ZC3H3: variants seen among roughly 807,000 people sequenced by gnomAD.
ZC3H3 encodes the protein zinc finger CCCH-type containing 3.
In ZC3H3, 36 loss-of-function variants were observed where a neutral mutation model predicts 77.3. That is an observed-to-expected ratio of 0.47 (90% confidence interval 0.36 to 0.61). The LOEUF (loss-of-function observed/expected upper bound fraction) is 0.61. Among genes scored for constraint, ZC3H3 ranks in the 20% least tolerant of loss-of-function variants. The pLI is 0.00. For missense variants in ZC3H3, 1,331 were observed against 1,312.2 expected, an observed-to-expected ratio of 1.01 and a Z score of -0.22; for synonymous variants, 626 against 555.2, an observed-to-expected ratio of 1.13 and a Z score of -1.79.
chr8:143,506,933 T>C (rs545547895), intron 4 of ZC3H3, among the ~76,000 whole-genome samples: 1 of 152,360 alleles, frequency 6.6e-6, no homozygotes, highest in African/African-American at 2.4e-5. Flanking sequence ...CCTGAGGCCC[T>C]GCCCACCATC....
chr8:143,477,727 C>G (rs1820776816), intron 4 of ZC3H3, among the ~76,000 whole-genome samples: 1 of 152,222 alleles, frequency 6.6e-6, no homozygotes, highest in African/African-American at 2.4e-5. Flanking sequence ...AGCTTGACCC[C>G]AAATCCCAGT....
chr8:143,535,687 C>T (rs1046008195), intron 3 of ZC3H3, among the ~76,000 whole-genome samples: 3 of 152,252 alleles, frequency 2.0e-5, no homozygotes, highest in Non-Finnish European at 2.9e-5. Context: ...ATCTGCAGGC[C>T]GGGGCCTTCC....
In ZC3H3 at chr8:143,536,246, T is replaced by C. The variant is rs1296194931; in HGVS notation, c.1561+11A>G. Reference sequence around the variant, plus strand: ...CAGCCCCAGTGCCCAGCGCCCCTGCTCCCAGCATACCTTCCTTGGTGGGGA... The same window carrying C: ...CAGCCCCAGTGCCCAGCGCCCCTGCCCCCAGCATACCTTCCTTGGTGGGGA... On this transcript the variant is annotated intron_variant, in intron 3 of 11. Coordinates refer to ENST00000262577, the MANE Select transcript of ZC3H3 (RefSeq NM_015117.3). 6.2e-7 allele frequency: 1 copy of C among 1,607,636 alleles called. No homozygotes were observed. Among genetic ancestry groups the C allele is most frequent in the Admixed American group, 1.7e-5 (1 of 59,560 alleles).
rs140144642 is a variant in ZC3H3 at position 143,538,684 on chromosome 8, G to A, written c.683C>T (p.Ala228Val). The A allele has an allele frequency of 1.0e-4, 163 of 1,608,104 alleles. No homozygotes were observed. The highest frequency in any genetic ancestry group is 8.2e-4 in the Middle Eastern group (5 of 6,062). The change falls in exon 2 of 12, where the codon GCG (alanine) becomes GTG (valine). Residue 228 changes from alanine (A) to valine (V), a missense_variant. Physicochemically the swap from Ala to Val is moderately conservative, Grantham distance 64. Coordinates refer to ENST00000262577, the MANE Select transcript of ZC3H3 (RefSeq NM_015117.3). ...TVSESVIAVK[A>V]SFPSSALPPR... ...GGGCAGAGCGGAGGATGGGAAGCTC[G>A]CCTTGACGGCAATCACACTCTCACT...
chr8:143,440,002 GGGGGGCCCT>G, intron 11 of ZC3H3, 30 bp downstream of exon 11: 1 of 1,456,594 alleles, frequency 6.9e-7, no homozygotes, highest in Non-Finnish European at 9.1e-7. Context: ...TCCTTGGTGA[GGGGGGCCCT>G]GGGGGCCCGA....
chr8:143,503,308 C>T (rs774598016), intron 4 of ZC3H3, among the ~76,000 whole-genome samples: 9 of 152,286 alleles, frequency 5.9e-5, no homozygotes, highest in Non-Finnish European at 1.0e-4. Flanking sequence ...CCACCCTCTG[C>T]CCCACCCCAG....
intron 4 of ZC3H3, among the ~76,000 whole-genome samples, chr8:143,482,565 C>T (rs548935314): frequency 1.3e-5 from 2 of 152,272 alleles, no homozygotes; most frequent in South Asian, 2.1e-4. Context: ...GCTGCCAGGG[C>T]TTGGTCAGCA....
chr8:143,465,727 A>AG lies in ZC3H3; in HGVS notation c.2296dup (p.Leu766ProfsTer166), dbSNP rs750272164. 3.1e-6 allele frequency: 5 copies of AG among 1,613,776 alleles called. No individual in the cohort carries two copies. The highest frequency in any genetic ancestry group is 3.3e-5 in the Admixed American group (2 of 60,020). On this transcript the variant is annotated frameshift_variant, in exon 9 of 12. Transcript: ENST00000262577. LOFTEE classifies it high-confidence loss of function. ...CCACAGACCACTCACCTTTGCACCC[A>AG]GGGGGCAGTAGCCTTTGAGGAAGTC...
At position 143,475,583 on chromosome 8, in the gene ZC3H3, G is replaced by A; in HGVS notation, c.1718C>T (p.Ser573Phe). The A allele has an allele frequency of 6.3e-7, 1 of 1,589,710 alleles. No homozygotes were observed. Among genetic ancestry groups the A allele is most frequent in the Non-Finnish European group, 8.6e-7 (1 of 1,168,318 alleles). The change falls in exon 5 of 12, where the codon TCC becomes TTC. Residue 573 changes from serine to phenylalanine, a missense_variant and splice_region_variant. Around this residue, in one of 3 missense-constraint regions of ZC3H3, gnomAD observed 978 missense variants for 915.5 expected, o/e 1.07. Transcript: ENST00000262577. ...TGGACGCAGGCGGTTCAGCACCAGG[G>A]ACCTGCAGAGACAGGAAATGCCCGT... ...WRARRLSLSR[S>F]LVLNRLRPVA...
At chr8:143,520,073 G>A (rs954053649) in intron 3 of ZC3H3, among the ~76,000 whole-genome samples, 1 of 152,206 alleles carries the variant, frequency 6.6e-6, no homozygotes, top group South Asian at 2.1e-4. Context: ...GGGCTTCTTC[G>A]GGGCTCAAGG....
At chr8:143,472,869 G>C (rs1820613505) in intron 5 of ZC3H3, among the ~76,000 whole-genome samples, 2 of 152,218 alleles carry the variant, frequency 1.3e-5, no homozygotes, top group South Asian at 4.1e-4. Context: ...GCCCTGTGCA[G>C]GGAGTGGGAT....
At chr8:143,498,689 G>A (rs181202947) in intron 4 of ZC3H3, among the ~76,000 whole-genome samples, 4 of 150,604 alleles carry the variant, frequency 2.7e-5, no homozygotes, top group Non-Finnish European at 4.4e-5. Flanking sequence ...GCCCAAGGGG[G>A]ATGGGAACCG....
At chr8:143,531,760 T>C (rs1822615589) in intron 3 of ZC3H3, among the ~76,000 whole-genome samples, 1 of 152,262 alleles carries the variant, frequency 6.6e-6, no homozygotes, top group Admixed American at 6.5e-5. Context: ...GGCCAGGTTT[T>C]ATATACTCTG....
chr8:143,454,079 CTTT>C (rs55882218), intron 9 of ZC3H3, among the ~76,000 whole-genome samples: 91 of 142,798 alleles, frequency 6.4e-4, no homozygotes, highest in Middle Eastern at 3.5e-3. Flanking sequence ...ATAACTTTTT[CTTT>C]TTTTTTTTTT....
intron 11 of ZC3H3, 65 bp from the exon 12 acceptor site, chr8:143,438,152 G>A: frequency 6.4e-7 from 1 of 1,564,476 alleles, no homozygotes; most frequent in Non-Finnish European, 8.7e-7. Flanking sequence ...AGCCTGCAAA[G>A]CTCCTGATCG....
At chr8:143,442,406 G>C (rs1397717313) in intron 9 of ZC3H3, among the ~76,000 whole-genome samples, 61 of 121,512 alleles carry the variant, frequency 5.0e-4, no homozygotes, top group African/African-American at 1.7e-3. Context: ...GGGCCGGGGG[G>C]GGTGGGGGGG....
At chr8:143,523,827 C>T (rs1822327025) in intron 3 of ZC3H3, among the ~76,000 whole-genome samples, 2 of 152,236 alleles carry the variant, frequency 1.3e-5, no homozygotes, top group African/African-American at 4.8e-5. Flanking sequence ...CAGCACAACG[C>T]TCCAGGGCCA....
chr8:143,446,044 C>T (rs376578065), intron 9 of ZC3H3, among the ~76,000 whole-genome samples: 4 of 152,090 alleles, frequency 2.6e-5, no homozygotes, highest in African/African-American at 7.3e-5. Context: ...AAGCAGAGCC[C>T]GCATCCACGC....
rs544697154 is a variant in ZC3H3, at chr8:143,519,948, A to T, written c.1562-12049T>A. Among the ~76,000 whole-genome samples, 5 of 152,280 alleles carry T rather than the reference A, an allele frequency of 3.3e-5. No individual in the cohort carries two copies. The South Asian group carries it at 1.0e-3, about 32-fold the overall frequency. On this transcript the variant is annotated intron_variant, in intron 3 of 11. Coordinates refer to ENST00000262577, the MANE Select transcript of ZC3H3 (RefSeq NM_015117.3). ...TGCGCCAGCCCCATGCCATCCCAAC[A>T]GACGCAAACCACCCCCCAGCCTGCC...
Sources: allele counts gnomAD v4.1 joint callset (sites outside exome capture counted in the v4.1 genomes callset), GRCh38; gene constraint gnomAD v4.1.1; regional missense constraint gnomAD v4.1.1; transcripts MANE v1.5; gene names NCBI Gene and HGNC (gene_info 2026-07-23, HGNC 2026-07-21).